NCAM1: variants seen among roughly 807,000 people sequenced by gnomAD.
The protein encoded by NCAM1 is neural cell adhesion molecule 1.
A neutral mutation model predicts 109.8 loss-of-function variants in NCAM1; 14 were observed. The ratio of observed to expected loss-of-function variants is 0.13; its 90% CI spans 0.08 to 0.20. The LOEUF is 0.20. NCAM1 is among the 10% of genes least tolerant of loss of function. The pLI, the probability that NCAM1 is intolerant of heterozygous loss-of-function variation, is 1.00. For missense variants in NCAM1, 774 were observed against 1,109.9 expected (o/e 0.70, Z 4.30); for synonymous variants, 418 against 442.9 (o/e 0.94, Z 0.70).
At chr11:113,266,389 G>A (rs1430352674) in intron 17 of NCAM1, among the ~76,000 whole-genome samples, 1 of 152,182 alleles carries the variant, frequency 6.6e-6, no homozygotes, top group South Asian at 2.1e-4. Flanking sequence ...TTGGCATACA[G>A]TATGGTCGCT....
intron 1 of NCAM1, among the ~76,000 whole-genome samples, chr11:113,096,152 G>A (rs543753782): frequency 7.2e-5 from 11 of 152,318 alleles, no homozygotes; most frequent in Admixed American, 3.9e-4. Context: ...GCTTGGGATA[G>A]CTATTGACTG....
intron 1 of NCAM1, among the ~76,000 whole-genome samples, chr11:113,128,578 C>T (rs1941269208): frequency 6.6e-6 from 1 of 152,184 alleles, no homozygotes; most frequent in Non-Finnish European, 1.5e-5. Flanking sequence ...TTTATCCCTT[C>T]CCACAGCAGC....
intron 1 of NCAM1, among the ~76,000 whole-genome samples, chr11:113,010,866 T>C (rs1457302495): frequency 2.6e-5 from 4 of 152,106 alleles, no homozygotes; most frequent in African/African-American, 9.7e-5. Flanking sequence ...ACAGTAGCTA[T>C]TGTAGAATTC....
intron 9 of NCAM1, among the ~76,000 whole-genome samples, chr11:113,227,537 A>T (rs1173804757): frequency 1.3e-5 from 2 of 152,220 alleles, no homozygotes; most frequent in East Asian, 1.9e-4. Context: ...TTCTGAAACT[A>T]TTCCAATCAA....
intron 1 of NCAM1, among the ~76,000 whole-genome samples, chr11:113,140,639 TTA>T (rs1555100232): frequency 6.6e-6 from 1 of 152,214 alleles, no homozygotes; most frequent in East Asian, 1.9e-4. Context: ...TTAATCTTGT[TTA>T]TGTTTCATTA....
At chr11:113,087,210 C>A (rs1297211797) in intron 1 of NCAM1, among the ~76,000 whole-genome samples, 1 of 152,170 alleles carries the variant, frequency 6.6e-6, no homozygotes, top group East Asian at 1.9e-4. Flanking sequence ...CACAGAGAAT[C>A]ATTTTTCACA....
chr11:113,110,948 C>G (rs1940419272), intron 1 of NCAM1, among the ~76,000 whole-genome samples: 1 of 152,060 alleles, frequency 6.6e-6, no homozygotes, highest in Admixed American at 6.5e-5. Context: ...TTACCAGGTC[C>G]CAGTGACCTA....
chr11:113,263,301 C>T lies in NCAM1; in HGVS notation c.2131+2978C>T, dbSNP rs1327421877. 3.0e-6 allele frequency: 3 copies of T among 1,013,720 alleles called. No individual in the cohort carries two copies. The African/African-American group carries it at 5.2e-5, about 17-fold the overall frequency. 62.8% of individuals were successfully genotyped at this position (1,013,720 alleles called of 1,614,324 possible). ...GTAGCAGAGGAAGAATTCTAAGTAC[C>T]TTCTAAAGCTTGTGTCAGATTGTTA... On this transcript the variant is annotated intron_variant, in intron 17 of 19. Transcript: ENST00000316851.
Position 113,007,618 on chromosome 11 carries a change from G to A in NCAM1, c.52+45954G>A, listed in dbSNP as rs560219541. On this transcript the variant is annotated intron_variant, in intron 1 of 19. Coordinates refer to ENST00000316851, the MANE Select transcript of NCAM1 (RefSeq NM_181351.5). ...AACGAGATGGCTTCTTTTAGCTGAT[G>A]GCATCTTACAGTTACTCAGAGCCAC... is the stretch of plus-strand genomic sequence containing the variant. Among the ~76,000 whole-genome samples, 14 of 152,292 alleles carry A rather than the reference G, an allele frequency of 9.2e-5. No homozygotes were observed. In the South Asian group the frequency reaches 2.7e-3, roughly 29 times the overall value.
At chr11:113,205,963 A>T (rs1555112779) in intron 4 of NCAM1, 80 bp from the exon 5 acceptor site, 2 of 1,557,384 alleles carry the variant, frequency 1.3e-6, no homozygotes. Context: ...GAAGTTAGGA[A>T]AAAGGAAAGA....
intron 1 of NCAM1, among the ~76,000 whole-genome samples, chr11:113,079,136 G>T (rs1039847206): frequency 6.6e-6 from 1 of 152,186 alleles, no homozygotes; most frequent in Non-Finnish European, 1.5e-5. Context: ...GTTTACATGA[G>T]GCTGTGATTT....
chr11:113,218,748 T>G (rs139073579), intron 8 of NCAM1, among the ~76,000 whole-genome samples: 3 of 152,352 alleles, frequency 2.0e-5, no homozygotes, highest in Non-Finnish European at 4.4e-5. Context: ...CCTAATTGTT[T>G]GGATCATCGA....
chr11:112,964,515 T>C (rs1268783893), intron 1 of NCAM1, among the ~76,000 whole-genome samples: 1 of 152,226 alleles, frequency 6.6e-6, no homozygotes, highest in Non-Finnish European at 1.5e-5. Context: ...TCTAACAAGA[T>C]ACCATCGGTT....
At chr11:112,981,609 G>C (rs551088283) in intron 1 of NCAM1, among the ~76,000 whole-genome samples, 84 of 151,870 alleles carry the variant, frequency 5.5e-4, no homozygotes, top group African/African-American at 1.9e-3. Context: ...TAGTGGTCTT[G>C]AGCTAACTGG....
At chr11:113,136,946 C>T (rs1302979079) in intron 1 of NCAM1, among the ~76,000 whole-genome samples, 2 of 152,188 alleles carry the variant, frequency 1.3e-5, no homozygotes, top group Non-Finnish European at 2.9e-5. Flanking sequence ...AAGGCCAAGG[C>T]TGACACTGAC....
intron 1 of NCAM1, among the ~76,000 whole-genome samples, chr11:113,146,814 A>G (rs10891516): frequency 0.12 from 18,537 of 151,896 alleles, 1,243 homozygotes; most frequent in East Asian, 0.26. Context: ...CGGTTTGCCT[A>G]TCACTGGCTG....
In NCAM1 at chr11:113,232,715, A is replaced by T. The variant is rs1327089906; in HGVS notation, c.1426-3A>T. On this transcript the variant is annotated splice_polypyrimidine_tract_variant and splice_region_variant and intron_variant, in intron 11 of 19. Coordinates refer to ENST00000316851, the MANE Select transcript of NCAM1 (RefSeq NM_181351.5). ...GTAACCCAATAGCTTCTTCCTTCTA[A>T]AGGTGACCCCAGACTCTGAGAATGA... The T allele has an allele frequency of 2.5e-6, 4 of 1,611,084 alleles. No individual in the cohort carries two copies. In the African/African-American group the frequency reaches 4.0e-5, roughly 16 times the overall value.
chr11:113,130,497 G>T (rs1396614840), intron 1 of NCAM1, among the ~76,000 whole-genome samples: 1 of 152,206 alleles, frequency 6.6e-6, no homozygotes, highest in African/African-American at 2.4e-5. Context: ...CTAGGATTGG[G>T]AGTGCCAAGG....
chr11:113,189,469 A>G (rs1226950722), intron 1 of NCAM1, among the ~76,000 whole-genome samples: 1 of 144,448 alleles, frequency 6.9e-6, no homozygotes, highest in African/African-American at 2.6e-5. Context: ...AAAAAAAAAG[A>G]AAAGAAAAGA....
Sources: gnomAD v4.1 joint callset for allele counts (sites outside exome capture counted in the v4.1 genomes callset) on GRCh38, gnomAD v4.1.1 for gene constraint, MANE v1.5 for transcripts, NCBI Gene and HGNC (gene_info 2026-07-23, HGNC 2026-07-21) for gene names.